The following TRIM37 variants were observed in gnomAD, a reference collection of about 807,000 sequenced individuals.
TRIM37 encodes E3 ubiquitin-protein ligase TRIM37.
A neutral mutation model predicts 129.8 loss-of-function variants in TRIM37; 80 were observed. The ratio of observed to expected loss-of-function variants is 0.62; its 90% CI spans 0.51 to 0.74. The LOEUF is 0.74. Among genes scored for constraint, TRIM37 ranks in the 30% least tolerant of loss-of-function variants. The pLI, the probability that TRIM37 is intolerant of heterozygous loss-of-function variation, is 0.00. For synonymous variants in TRIM37, 389 were observed against 387.1 expected (o/e 1.00, Z -0.06); for missense variants, 1,054 against 1,176.5 (o/e 0.90, Z 1.52).
At chr17:58,980,769 A>G (rs1278944343), downstream of TRIM37, 1 of 1,614,034 alleles carries the variant, frequency 6.2e-7, no homozygotes, top group Non-Finnish European at 8.5e-7. The surrounding 1 kb of genome is among the most constrained non-coding windows in gnomAD (Gnocchi z 4.7). Flanking sequence ...AGATTGTCTC[A>G]TTTACGCCAC....
downstream of TRIM37, among the ~76,000 whole-genome samples, chr17:58,996,988 T>C (rs907156072): frequency 1.3e-5 from 2 of 151,940 alleles, no homozygotes; most frequent in Non-Finnish European, 2.9e-5. Flanking sequence ...TTCAAAAATA[T>C]CAAGGTCATG....
chr17:58,990,218 T>A (rs533342132), intron 24 of TRIM37, among the ~76,000 whole-genome samples: 5 of 131,872 alleles, frequency 3.8e-5, no homozygotes, highest in South Asian at 2.4e-4. Flanking sequence ...AGGCTAGGCA[T>A]GGTAGCTCAC....
At chr17:58,978,938 G>A (rs1313977083), downstream of TRIM37, among the ~76,000 whole-genome samples, 2 of 151,988 alleles carry the variant, frequency 1.3e-5, no homozygotes, top group Non-Finnish European at 1.5e-5. Context: ...CTGCAGTCTC[G>A]CTCCTACCCC....
At chr17:59,090,197 G>T (rs907757101) in intron 3 of TRIM37, 1 of 152,074 alleles carries the variant, frequency 6.6e-6, no homozygotes, top group South Asian at 2.1e-4. Context: ...TAACCTAAAT[G>T]TCTCTCAATA....
In TRIM37 at chr17:59,077,354, T is replaced by C. The variant is rs1281931607; in HGVS notation, c.617-1640A>G. On this transcript the variant is annotated intron_variant, in intron 7 of 23. Transcript: ENST00000262294. ...ATCCACCTGCCTCAGCCTAGAACTT[T>C]TATTTTTGAAACAAAACTCAGAATT... Among the ~76,000 whole-genome samples the C allele has an allele frequency of 2.0e-5, 3 of 152,014 alleles. No homozygotes were observed. In the East Asian group the frequency reaches 5.8e-4, roughly 29 times the overall value.
Position 59,015,670 on chromosome 17 carries a change from A to G in TRIM37, c.2516T>C (p.Val839Ala), listed in dbSNP as rs1454823401. 1.2e-6 allele frequency: 2 copies of G among 1,614,186 alleles called. No individual in the cohort carries two copies. Among genetic ancestry groups the G allele is most frequent in the South Asian group, 1.1e-5 (1 of 91,084 alleles). ...QCKALDSDAV[V>A]VAVFSGLPAV... The stretch of plus-strand genomic sequence containing the variant: ...AGGCAAGCCACTGAAAACTGCAACC[A>G]CAACAGCATCTGAATCCAAAGCTTT... Residue 839 changes from valine to alanine, a missense_variant, in exon 21 of 24, where the codon GTG becomes GCG. Coordinates refer to ENST00000262294, the MANE Select transcript of TRIM37 (RefSeq NM_015294.6).
At chr17:59,035,763 CCAAAAAAACAAAAAAA>C (rs1003704852) in intron 17 of TRIM37, among the ~76,000 whole-genome samples, 1 of 147,496 alleles carries the variant, frequency 6.8e-6, no homozygotes, top group African/African-American at 2.7e-5. Flanking sequence ...AAACAAAAAA[CCAAAAAAACAAAAAAA>C]CAACAAAAAC....
chr17:59,078,996 C>T (rs143263017), intron 7 of TRIM37, among the ~76,000 whole-genome samples: 9 of 147,736 alleles, frequency 6.1e-5, no homozygotes, highest in South Asian at 2.1e-4. Context: ...TGGATAAAAT[C>T]ATTATTTTGG....
intron 19 of TRIM37, among the ~76,000 whole-genome samples, chr17:59,023,955 T>C (rs1324454667): frequency 1.3e-5 from 2 of 152,096 alleles, no homozygotes; most frequent in African/African-American, 4.8e-5. Flanking sequence ...GGCTCACGCT[T>C]GTAATCCCAG....
At chr17:59,087,887 C>G (rs2043917219) in intron 4 of TRIM37, 1 of 262,148 alleles carries the variant, frequency 3.8e-6, no homozygotes, top group South Asian at 6.0e-5. Flanking sequence ...TAACAACTCT[C>G]CAGATATGTT....
chr17:59,040,837 G>A (rs1284811583), intron 17 of TRIM37, among the ~76,000 whole-genome samples: 2 of 151,936 alleles, frequency 1.3e-5, no homozygotes, highest in Non-Finnish European at 2.9e-5. Flanking sequence ...ATGAGGTCAG[G>A]AGATCAAGAC....
At chr17:59,041,052 C>CAA (rs959941717) in intron 17 of TRIM37, among the ~76,000 whole-genome samples, 1 of 118,750 alleles carries the variant, frequency 8.4e-6, no homozygotes, top group Non-Finnish European at 1.8e-5. Flanking sequence ...GACTCCGTCT[C>CAA]AAAAAAAAAA....
chr17:58,981,338 A>AT (rs1415783051), downstream of TRIM37: 4 of 284,168 alleles, frequency 1.4e-5, no homozygotes, highest in African/African-American at 8.9e-5. Flanking sequence ...CCATCCCTTC[A>AT]GTCACTAGTG....
chr17:58,984,680 AAAGT>A (rs1163236058), intron 24 of TRIM37: 5 of 152,672 alleles, frequency 3.3e-5, no homozygotes, highest in African/African-American at 1.2e-4. Flanking sequence ...CTTGCAAAAC[AAAGT>A]AAGATACCAC....
At position 58,999,253 on chromosome 17, in the gene TRIM37, T is replaced by G. The variant is rs2033356006; in HGVS notation, c.*124A>C. 6.3e-7 allele frequency: 1 copy of G among 1,595,472 alleles called. No individual in the cohort carries two copies. Among genetic ancestry groups the G allele is most frequent in the Non-Finnish European group, 8.5e-7 (1 of 1,172,022 alleles). On this transcript the variant is annotated 3_prime_UTR_variant, in exon 24 of 24. Coordinates refer to ENST00000262294, the MANE Select transcript of TRIM37 (RefSeq NM_015294.6). Reference sequence around the variant, plus strand: ...TTCCAACAGTTTCCAAATTACTATTTCAGGTCGAGATAATGAAGAAATAAG... The same window carrying G: ...TTCCAACAGTTTCCAAATTACTATTGCAGGTCGAGATAATGAAGAAATAAG...
intron 21 of TRIM37, among the ~76,000 whole-genome samples, chr17:59,014,736 C>T (rs572900703): frequency 2.4e-4 from 36 of 151,112 alleles, no homozygotes; most frequent in African/African-American, 7.5e-4. Context: ...AAAGGCTGAC[C>T]GCCCCCCTAC....
intron 22 of TRIM37, among the ~76,000 whole-genome samples, chr17:59,009,625 T>C (rs1013488151): frequency 8.5e-5 from 13 of 152,124 alleles, no homozygotes; most frequent in African/African-American, 2.9e-4. Flanking sequence ...TTTGTATATT[T>C]AGTAAAGATG....
intron 13 of TRIM37, among the ~76,000 whole-genome samples, chr17:59,051,728 T>C (rs1467525573): frequency 6.6e-6 from 1 of 151,680 alleles, no homozygotes; most frequent in Non-Finnish European, 1.5e-5. Flanking sequence ...CCCAGCAAAA[T>C]ACAAAGTTTT....
intron 22 of TRIM37, 86 bp from the exon 23 acceptor site, chr17:59,001,800 GATTCCTATTGA>G: frequency 6.5e-7 from 1 of 1,539,932 alleles, no homozygotes; most frequent in Non-Finnish European, 8.8e-7. Context: ...GCTAAACTGA[GATTCCTATTGA>G]ATTTTACATG....
Sources: gnomAD v4.1 joint callset for allele counts (sites outside exome capture counted in the v4.1 genomes callset) on GRCh38, gnomAD v4.1.1 for gene constraint, Gnocchi (gnomAD v3.1) non-coding constraint, MANE v1.5 for transcripts, NCBI Gene and HGNC (gene_info 2026-07-23, HGNC 2026-07-21) for gene names.